The following SLC6A12 variants were observed in gnomAD, a reference collection of about 807,000 sequenced individuals.
SLC6A12 encodes the protein sodium- and chloride-dependent betaine transporter.
SLC6A12 carries 50 observed loss-of-function variants against 73.3 expected under a neutral mutation model. The observed-to-expected ratio is 0.68, with a 90% CI of 0.54 to 0.86. SLC6A12 has a LOEUF of 0.86. SLC6A12 is among the 40% of genes least tolerant of loss of function. The pLI is 0.00. For missense variants in SLC6A12, 648 were observed against 772.8 expected, an observed-to-expected ratio of 0.84 and a Z score of 1.92; for synonymous variants, 304 against 309.2, an observed-to-expected ratio of 0.98 and a Z score of 0.18.
At chr12:188,843 C>T (rs988811434), downstream of SLC6A12, among the ~76,000 whole-genome samples, 3 of 152,202 alleles carry the variant, frequency 2.0e-5, no homozygotes, top group African/African-American at 7.2e-5. Flanking sequence ...GGCCCGAAGT[C>T]CCTTTCCCGC....
chr12:189,368 CCTT>C (rs1225717808), downstream of SLC6A12, among the ~76,000 whole-genome samples: 4 of 152,192 alleles, frequency 2.6e-5, no homozygotes, highest in African/African-American at 7.2e-5. Context: ...CCGTTGCTCT[CCTT>C]CTCTTTCCCC....
chr12:209,149 C>A (rs1028256796), intron 3 of SLC6A12, among the ~76,000 whole-genome samples: 1 of 152,060 alleles, frequency 6.6e-6, no homozygotes, highest in African/African-American at 2.4e-5. Context: ...TTGGCACCTG[C>A]CGTTCCCTGT....
In SLC6A12 at chr12:210,033, A is replaced by G. The variant is rs1940840313; in HGVS notation, c.-47T>C. ...GCCCCGCTGGGTGGGCAGGATGACG[A>G]GGGCCAAAGCCTGGTGGGAAGAGAA... On this transcript the variant is annotated 5_prime_UTR_variant, in exon 3 of 16. Coordinates refer to ENST00000684302, the MANE Select transcript of SLC6A12 (RefSeq NM_001122848.3). The G allele has an allele frequency of 6.2e-7, 1 of 1,606,382 alleles. No individual in the cohort carries two copies. Among genetic ancestry groups the G allele is most frequent in the Non-Finnish European group, 8.5e-7 (1 of 1,174,790 alleles).
intron 10 of SLC6A12, 75 bp downstream of exon 10, chr12:197,302 T>C (rs548272480): frequency 1.9e-5 from 28 of 1,498,254 alleles, no homozygotes; most frequent in Non-Finnish European, 2.4e-5. Context: ...CTGGGACTCA[T>C]GCCTTTCAGC....
chr12:211,269 C>A (rs1940895078), intron 2 of SLC6A12: 1 of 152,260 alleles, frequency 6.6e-6, no homozygotes, highest in Non-Finnish European at 1.5e-5. Flanking sequence ...TTAACCCAGG[C>A]AACAGCCCAA....
rs978816427 is a variant in SLC6A12 at position 198,200 on chromosome 12, C to T, written c.847-197G>A. On this transcript the variant is annotated intron_variant, in intron 8 of 15. Coordinates refer to ENST00000684302, the MANE Select transcript of SLC6A12 (RefSeq NM_001122848.3). The surrounding 1 kb of genome is among the most constrained non-coding windows in gnomAD (Gnocchi z 4.0). ...TCTCCTCCCCAGTGCGGCCCAGTTT[C>T]GGTTTGGTTCTGTAGGCACTTAGTG... Among the ~76,000 whole-genome samples, 1 of 152,200 alleles carries T rather than the reference C, an allele frequency of 6.6e-6. No homozygotes were observed. Among genetic ancestry groups the T allele is most frequent in the Admixed American group, 6.5e-5 (1 of 15,288 alleles).
At chr12:204,497 A>C (rs1940515664) in intron 4 of SLC6A12, 67 bp downstream of exon 4, 1 of 1,473,808 alleles carries the variant, frequency 6.8e-7, no homozygotes, top group African/African-American at 1.4e-5. Flanking sequence ...GTAGGCAGGG[A>C]GAGACCATGG....
In SLC6A12 at chr12:191,666, G is replaced by T. The variant is rs118095315; in HGVS notation, c.1702-455C>A. On this transcript the variant is annotated intron_variant, in intron 15 of 15. Coordinates refer to ENST00000684302, the MANE Select transcript of SLC6A12 (RefSeq NM_001122848.3). ...ATCAGTGGTACTGCTACGACTGTTG[G>T]TGGTGGTGGTGGTGGTGCCATCTGC... Among the ~76,000 whole-genome samples, 254 of 152,096 alleles carry T rather than the reference G, an allele frequency of 1.7e-3. 4 individuals carry two copies. The East Asian group carries it at 0.036, about 21-fold the overall frequency.
chr12:194,379 G>A (rs1187725600), intron 13 of SLC6A12, among the ~76,000 whole-genome samples: 2 of 152,250 alleles, frequency 1.3e-5, no homozygotes, highest in Non-Finnish European at 2.9e-5. Context: ...TGTTCCTGAG[G>A]CCCTACTGTG....
intron 7 of SLC6A12, among the ~76,000 whole-genome samples, chr12:200,253 T>C (rs112002399): frequency 0.097 from 14,099 of 146,084 alleles, 830 homozygotes; most frequent in Middle Eastern, 0.14. Flanking sequence ...GGACTACAGG[T>C]GCCCACCACC....
chr12:184,623 G>T, the SLC6A12 span, among the ~76,000 whole-genome samples: 1 of 152,090 alleles, frequency 6.6e-6, no homozygotes, highest in Non-Finnish European at 1.5e-5. Context: ...GGTGGCGGGC[G>T]CCTGTAGTCC....
rs749567580 is a variant in SLC6A12 at position 198,789 on chromosome 12, G to A, written c.846+8C>T. On this transcript the variant is annotated splice_region_variant and intron_variant, in intron 8 of 15. Transcript: ENST00000684302. The surrounding 1 kb of genome is among the most constrained non-coding windows in gnomAD (Gnocchi z 4.0). Reference sequence around the variant, plus strand: ...CACCTGGGGAAGTGGTCCCAGCACGGTACATACCTGAGGGTCCTTGAGGCG... The same window carrying A: ...CACCTGGGGAAGTGGTCCCAGCACGATACATACCTGAGGGTCCTTGAGGCG... 1.2e-6 allele frequency: 2 copies of A among 1,614,038 alleles called. No homozygotes were observed. Among genetic ancestry groups the A allele is most frequent in the South Asian group, 2.2e-5 (2 of 91,076 alleles).
chr12:193,499 G>C, intron 13 of SLC6A12, 122 bp from the exon 14 acceptor site: 2 of 674,922 alleles, frequency 3.0e-6, no homozygotes, highest in South Asian at 1.8e-5. Context: ...AGGGAAACTG[G>C]AACAGGGCAC....
downstream of SLC6A12, among the ~76,000 whole-genome samples, chr12:186,704 A>G (rs1842521140): frequency 2.0e-5 from 3 of 152,196 alleles, no homozygotes; most frequent in South Asian, 6.2e-4. Flanking sequence ...GCTTTGGTGT[A>G]CTCTGCCACG....
downstream of SLC6A12, among the ~76,000 whole-genome samples, chr12:187,009 A>G (rs1039375458): frequency 3.9e-5 from 6 of 152,336 alleles, no homozygotes; most frequent in Admixed American, 3.3e-4. Flanking sequence ...TTTCTCCGCT[A>G]GGGCACAGAT....
rs1444305588 is a variant in SLC6A12 at position 201,852 on chromosome 12, G to A, written c.491-3C>T. The A allele has an allele frequency of 6.2e-7, 1 of 1,613,280 alleles. No individual in the cohort carries two copies. ...GTTCAGAAAGTCCGTGCAATGCTCT[G>A]TTGGGGACAAGGTTAGGGACAAGAT... On this transcript the variant is annotated splice_polypyrimidine_tract_variant and splice_region_variant and intron_variant, in intron 5 of 15. Coordinates refer to ENST00000684302, the MANE Select transcript of SLC6A12 (RefSeq NM_001122848.3).
At position 202,817 on chromosome 12, in the gene SLC6A12, G is replaced by A. The variant is rs1282516995; in HGVS notation, c.413C>T (p.Ala138Val). 6.2e-7 allele frequency: 1 copy of A among 1,613,932 alleles called. No individual in the cohort carries two copies. ...YLNVYYIIILAWALFYLFSSF... is the reference protein window; with the variant it reads ...YLNVYYIIILVWALFYLFSSF... ...GCTGAACAGGTAGAAGAGAGCCCAG[G>A]CAAGGATGATGATGTAGTAGACATT... Residue 138 changes from alanine to valine, a missense_variant, in exon 5 of 16, where the codon GCC becomes GTC. Ala to Val is a moderately conservative substitution (Grantham distance 64). Transcript: ENST00000684302.
At position 198,064 on chromosome 12, in the gene SLC6A12, C is replaced by G. The variant is rs12311166; in HGVS notation, c.847-61G>C. On this transcript the variant is annotated intron_variant, in intron 8 of 15. Transcript: ENST00000684302. This position sits in a 1 kb window ranked among gnomAD's most constrained non-coding sequence, Gnocchi z 4.0. ...CCCAGGGCCCAGAGCCAGGGTGACCCGAGATCCAGACCCGTCCCCTGCAGC... is the reference window on the plus strand; with the variant it reads ...CCCAGGGCCCAGAGCCAGGGTGACCGGAGATCCAGACCCGTCCCCTGCAGC... The G allele has an allele frequency of 0.016, 23,092 of 1,399,780 alleles. 1,243 individuals are homozygous for G. Among genetic ancestry groups the G allele is most frequent in the South Asian group, 0.14 (12,253 of 85,458 alleles). The allele number at this position is 1,399,780 out of a possible 1,614,324, so 86.7% of individuals were successfully genotyped here. A position where few individuals can be genotyped will look rare whatever the true frequency, so the allele number is the denominator to read the frequency against.
rs561343889 is a variant in SLC6A12 at position 213,540 on chromosome 12, C to T, written c.-143+382G>A. 6.6e-6 allele frequency: 1 copy of T among 152,470 alleles called. No homozygotes were observed. The highest frequency in any genetic ancestry group is 1.5e-5 in the Non-Finnish European group (1 of 68,150). The allele number at this position is 152,470 out of a possible 1,614,324, so 9.4% of individuals were successfully genotyped here. A position where few individuals can be genotyped will look rare whatever the true frequency, so the allele number is the denominator to read the frequency against. ...GATCATTTATTGCAGTTCCTGGGCC[C>T]TCGGGAATGCCCCGAGGTTTCTCCT... is the stretch of plus-strand genomic sequence containing the variant. On this transcript the variant is annotated intron_variant, in intron 1 of 15. Transcript: ENST00000684302. The surrounding 1 kb of genome is among the most constrained non-coding windows in gnomAD (Gnocchi z 5.3).
Sources: allele counts gnomAD v4.1 joint callset (sites outside exome capture counted in the v4.1 genomes callset), GRCh38; gene constraint gnomAD v4.1.1; non-coding constraint Gnocchi (gnomAD v3.1); transcripts MANE v1.5; gene names NCBI Gene and HGNC (gene_info 2026-07-23, HGNC 2026-07-21).